INO80C: variants seen among roughly 807,000 people sequenced by gnomAD.
INO80C encodes IES6 homolog.
A neutral mutation model predicts 17.7 loss-of-function variants in INO80C; 17 were observed. The ratio of observed to expected loss-of-function variants is 0.96; its 90% CI spans 0.66 to 1.44. INO80C has a LOEUF of 1.44. Among genes scored for constraint, INO80C ranks in the 40% most tolerant of loss-of-function variants. INO80C has a pLI of 0.00. For missense variants in INO80C, 244 were observed against 245.0 expected, an observed-to-expected ratio of 1.00 and a Z score of 0.03; for synonymous variants, 96 against 95.8, an observed-to-expected ratio of 1.00 and a Z score of -0.01.
rs903166930 is a variant in INO80C at position 35,468,707 on chromosome 18, G to A, written c.483C>T (p.Phe161=). The A allele has an allele frequency of 5.6e-6, 9 of 1,614,096 alleles. No homozygotes were observed. The highest frequency in any genetic ancestry group is 1.7e-5 in the Admixed American group (1 of 60,006). The change falls in exon 5 of 5, where the codon TTC becomes TTT. Residue 161 remains phenylalanine (F), a synonymous_variant. Transcript: ENST00000334598. ...NYTDPQSKLR[F]STIEEFSYIR... is the part of the protein sequence containing the mutation. Reference sequence around the variant, plus strand: ...TGTAGGAAAACTCTTCAATGGTGCTGAACCGCAGTTTGCTCTGGGGGTCTG... The same window carrying A: ...TGTAGGAAAACTCTTCAATGGTGCTAAACCGCAGTTTGCTCTGGGGGTCTG...
chr18:35,471,161 A>T (rs958413581), intron 4 of INO80C, among the ~76,000 whole-genome samples: 1 of 152,218 alleles, frequency 6.6e-6, no homozygotes, highest in African/African-American at 2.4e-5. Flanking sequence ...ATGTAACTTT[A>T]AATTATATAA....
At chr18:35,471,110 G>A (rs957113820) in intron 4 of INO80C, among the ~76,000 whole-genome samples, 7 of 152,224 alleles carry the variant, frequency 4.6e-5, no homozygotes, top group African/African-American at 1.4e-4. Flanking sequence ...AGGAACAGGT[G>A]TGTGTCAATG....
At chr18:35,477,128 C>CT (rs1198189463) in intron 4 of INO80C, among the ~76,000 whole-genome samples, 1 of 152,158 alleles carries the variant, frequency 6.6e-6, no homozygotes, top group Non-Finnish European at 1.5e-5. Context: ...CCTGTAGTCC[C>CT]AGCTACTCAG....
intron 1 of INO80C, chr18:35,487,868 G>C (rs1165784925): frequency 6.6e-6 from 1 of 152,104 alleles, no homozygotes; most frequent in Non-Finnish European, 1.5e-5. Flanking sequence ...ATACAATGAG[G>C]GTACAGGCAT....
rs542810339 is a variant in INO80C, at chr18:35,497,475, A to G, written c.156+244T>C. On this transcript the variant is annotated intron_variant, in intron 1 of 4. Transcript: ENST00000334598. The stretch of plus-strand genomic sequence containing the variant: ...CTCGAGGGGAAGAGGCAGTCCTTCT[A>G]TTAATACTAAGTCAGTAATAACCTC... The G allele has an allele frequency of 3.8e-5, 50 of 1,302,042 alleles. 1 individual carries two copies. The Admixed American group carries it at 8.2e-4, about 21-fold the overall frequency. 80.7% of individuals were successfully genotyped at this position (1,302,042 alleles called of 1,614,324 possible).
intron 1 of INO80C, among the ~76,000 whole-genome samples, chr18:35,492,064 C>T (rs139622668): frequency 6.6e-6 from 1 of 152,340 alleles, no homozygotes; most frequent in East Asian, 1.9e-4. Flanking sequence ...GTGCTTGACT[C>T]TGAATCAGAC....
At chr18:35,478,954 A>T (rs1047066288) in intron 3 of INO80C, 5 of 202,564 alleles carry the variant, frequency 2.5e-5, no homozygotes, top group Non-Finnish European at 4.9e-5. Context: ...GTTGTCAGGA[A>T]CCCTCCTAAA....
chr18:35,474,534 T>A (rs1438987730), intron 4 of INO80C, among the ~76,000 whole-genome samples: 1 of 150,748 alleles, frequency 6.6e-6, no homozygotes, highest in African/African-American at 2.4e-5. Context: ...TAAAAAAAAA[T>A]TTAAAAGCCA....
chr18:35,487,058 T>C (rs2045884043), intron 1 of INO80C, among the ~76,000 whole-genome samples: 1 of 152,146 alleles, frequency 6.6e-6, no homozygotes, highest in Non-Finnish European at 1.5e-5. Flanking sequence ...AATACAAACA[T>C]GAAAAGAATA....
intron 1 of INO80C, among the ~76,000 whole-genome samples, chr18:35,492,481 A>T (rs1460741704): frequency 1.3e-5 from 2 of 152,250 alleles, no homozygotes; most frequent in South Asian, 4.1e-4. Context: ...CATGTAGAAA[A>T]CACAAATTAT....
rs372464357 is a variant in INO80C, at chr18:35,468,574, T to C, written c.*37A>G. 2.6e-5 allele frequency: 42 copies of C among 1,613,898 alleles called. No homozygotes were observed. The highest frequency in any genetic ancestry group is 3.3e-5 in the Non-Finnish European group (39 of 1,179,862). ...AAAATCATGAGTCCAGAGTCTGTTT[T>C]TGAAACAGCTTTCCACTTCATCTCC... is the stretch of plus-strand genomic sequence containing the variant. On this transcript the variant is annotated 3_prime_UTR_variant, in exon 5 of 5. Transcript: ENST00000334598.
intron 1 of INO80C, among the ~76,000 whole-genome samples, chr18:35,484,770 A>T: frequency 6.6e-6 from 1 of 152,196 alleles, no homozygotes; most frequent in Admixed American, 6.5e-5. Flanking sequence ...AATCCAGCAC[A>T]TATACTGAGA....
chr18:35,474,965 G>A (rs1489250027), intron 4 of INO80C, among the ~76,000 whole-genome samples: 3 of 152,168 alleles, frequency 2.0e-5, no homozygotes, highest in Admixed American at 2.0e-4. Context: ...TAACATGTGT[G>A]TAACTGGAAT....
At position 35,490,560 on chromosome 18, in the gene INO80C, G is replaced by GA. The variant is rs1181328611; in HGVS notation, c.156+7158dup. ...ATATAATACTGTTGCCATCAGGGAG[G>GA]AAAAAACCAATCTGAACTGTTAAAG... On this transcript the variant is annotated intron_variant, in intron 1 of 4. Coordinates refer to ENST00000334598, the MANE Select transcript of INO80C (RefSeq NM_194281.4). Among the ~76,000 whole-genome samples the GA allele has an allele frequency of 4.0e-5, 6 of 149,558 alleles. No homozygotes were observed. The East Asian group carries it at 9.6e-4, about 24-fold the overall frequency.
intron 1 of INO80C, among the ~76,000 whole-genome samples, chr18:35,488,607 G>A (rs757865163): frequency 4.7e-4 from 72 of 152,132 alleles, no homozygotes; most frequent in Non-Finnish European, 9.0e-4. Context: ...ACTAGGCACT[G>A]GGCCTGTGAT....
intron 1 of INO80C, among the ~76,000 whole-genome samples, chr18:35,497,111 A>G (rs1298259611): frequency 6.6e-6 from 1 of 152,138 alleles, no homozygotes; most frequent in Non-Finnish European, 1.5e-5. Context: ...CTGAAAATTC[A>G]TTGCTGGAAT....
At chr18:35,491,610 C>T (rs760005991) in intron 1 of INO80C, among the ~76,000 whole-genome samples, 11 of 152,106 alleles carry the variant, frequency 7.2e-5, no homozygotes, top group African/African-American at 2.7e-4. Flanking sequence ...ACTTTCCTCT[C>T]CCCCGACCCC....
Position 35,468,412 on chromosome 18 carries a change from A to G in INO80C, c.*199T>C, listed in dbSNP as rs1438762914. The G allele has an allele frequency of 3.6e-6, 5 of 1,404,664 alleles. No individual in the cohort carries two copies. Among genetic ancestry groups the G allele is most frequent in the Non-Finnish European group, 4.6e-6 (5 of 1,080,366 alleles). The allele number at this position is 1,404,664 out of a possible 1,614,324, so 87.0% of individuals were successfully genotyped here. On this transcript the variant is annotated 3_prime_UTR_variant, in exon 5 of 5. Transcript: ENST00000334598. ...CAACAACTGAAGTATAATTTAATTC[A>G]GCAGGAAATATCACACTTGGAGGGA...
intron 1 of INO80C, among the ~76,000 whole-genome samples, chr18:35,482,708 C>T (rs186914545): frequency 5.3e-5 from 8 of 152,266 alleles, no homozygotes; most frequent in Admixed American, 2.6e-4. Flanking sequence ...CATCCTTTTC[C>T]TACCATCTGT....
Sources: gnomAD v4.1 joint callset for allele counts (sites outside exome capture counted in the v4.1 genomes callset) on GRCh38, gnomAD v4.1.1 for gene constraint, MANE v1.5 for transcripts, NCBI Gene and HGNC (gene_info 2026-07-23, HGNC 2026-07-21) for gene names.